Variants in COL4A1 observed in about 807,000 individuals in gnomAD.
The protein encoded by COL4A1 is collagen type IV alpha 1 chain.
A neutral mutation model predicts 216.6 loss-of-function variants in COL4A1; 40 were observed. The observed-to-expected ratio is 0.18, with a 90% CI of 0.14 to 0.24. The LOEUF (loss-of-function observed/expected upper bound fraction) is 0.24, where lower values mean the gene tolerates loss of function less well. Among genes scored for constraint, COL4A1 ranks in the 10% least tolerant of loss-of-function variants. COL4A1 has a pLI of 1.00. For missense variants in COL4A1, 1,628 were observed against 2,196.8 expected, an observed-to-expected ratio of 0.74 and a Z score of 5.18; for synonymous variants, 839 against 810.7, an observed-to-expected ratio of 1.03 and a Z score of -0.59.
chr13:110,172,586 T>C (rs1877695566), intron 41 of COL4A1, 134 bp downstream of exon 41: 1 of 851,682 alleles, frequency 1.2e-6, no homozygotes, highest in East Asian at 2.4e-5. Flanking sequence ...CCCTCTGGGC[T>C]CAGCACCCAT....
Position 110,211,793 on chromosome 13 carries a change from A to T in COL4A1, c.441+76T>A. 1 of 1,542,136 alleles carries T rather than the reference A, an allele frequency of 6.5e-7. No homozygotes were observed. Among genetic ancestry groups the T allele is most frequent in the South Asian group, 1.2e-5 (1 of 85,526 alleles). ...TATTAAAACATAAGCAAAGAAAGAA[A>T]GAAAAGGAAATGGAATGAAAAGAGA... is the stretch of plus-strand genomic sequence containing the variant. On this transcript the variant is annotated intron_variant, in intron 7 of 51. Transcript: ENST00000375820. The surrounding 1 kb of genome is among the most constrained non-coding windows in gnomAD (Gnocchi z 4.3).
rs1555305317 is a variant in COL4A1 at position 110,198,078 on chromosome 13, G to GTGTGTGTGTGTGTGTGTGTGT, written c.1285+388_1285+389insACACACACACACACACACACA. Among the ~76,000 whole-genome samples, 84 of 141,932 alleles carry GTGTGTGTGTGTGTGTGTGTGT rather than the reference G, an allele frequency of 5.9e-4. 1 individual carries two copies. Among genetic ancestry groups the GTGTGTGTGTGTGTGTGTGTGT allele is most frequent in the African/African-American group, 1.8e-3 (65 of 36,676 alleles). The allele number at this position is 141,932 out of a possible 152,430, so 93.1% of individuals were successfully genotyped here. ...GTAATCCTGTCTTCCTTGTTTCTGGGGTGTGTGTGTGTGTGTGTGTGTGTG... is the reference window on the plus strand; with the variant it reads ...GTAATCCTGTCTTCCTTGTTTCTGGGTGTGTGTGTGTGTGTGTGTGTGTGTGTGTGTGTGTGTGTGTGTGTG... On this transcript the variant is annotated intron_variant, in intron 21 of 51. Transcript: ENST00000375820.
chr13:110,252,719 A>G (rs1277015431), intron 1 of COL4A1, among the ~76,000 whole-genome samples: 1 of 140,836 alleles, frequency 7.1e-6, no homozygotes, highest in Non-Finnish European at 1.5e-5. Context: ...TGTATTATAC[A>G]TATAATTATA....
chr13:110,183,445 G>A (rs1317084877), intron 26 of COL4A1, among the ~76,000 whole-genome samples, 169 bp from the exon 27 acceptor site: 2 of 152,168 alleles, frequency 1.3e-5, no homozygotes, highest in Non-Finnish European at 2.9e-5. Context: ...GTGTTTCTAG[G>A]ATCTTTCACA....
chr13:110,236,441 C>T (rs538395469), intron 2 of COL4A1, among the ~76,000 whole-genome samples: 21 of 152,292 alleles, frequency 1.4e-4, no homozygotes, highest in African/African-American at 4.1e-4. Flanking sequence ...GAAAAACATG[C>T]GTTGATTAAT....
intron 2 of COL4A1, among the ~76,000 whole-genome samples, chr13:110,219,730 A>ATATATGTGTG (rs1566385199): frequency 3.4e-5 from 4 of 119,158 alleles, no homozygotes; most frequent in Admixed American, 1.7e-4. Flanking sequence ...ATATGTGTGT[A>ATATATGTGTG]TATATATGTA....
At chr13:110,295,635 A>G (rs4365166) in intron 1 of COL4A1, among the ~76,000 whole-genome samples, 27,825 of 152,006 alleles carry the variant, frequency 0.18, 2,991 homozygotes, top group East Asian at 0.57. Context: ...CACATTGGTC[A>G]GGCTGGTCTC....
chr13:110,170,047 G>C (rs1267220862), intron 42 of COL4A1, among the ~76,000 whole-genome samples: 1 of 143,160 alleles, frequency 7.0e-6, no homozygotes, highest in Non-Finnish European at 1.5e-5. Context: ...GAGGGAAGGA[G>C]GGAGGAAGGA....
intron 1 of COL4A1, among the ~76,000 whole-genome samples, chr13:110,288,398 T>C (rs1459988228): frequency 6.6e-6 from 1 of 152,160 alleles, no homozygotes; most frequent in African/African-American, 2.4e-5. Context: ...GAGACTCCTA[T>C]TGCCACTATA....
At chr13:110,152,717 A>G (rs1876566592) in intron 50 of COL4A1, among the ~76,000 whole-genome samples, 1 of 152,230 alleles carries the variant, frequency 6.6e-6, no homozygotes, top group Non-Finnish European at 1.5e-5. Flanking sequence ...GGTGCTCAGC[A>G]TGGCCCCAGG....
intron 1 of COL4A1, among the ~76,000 whole-genome samples, chr13:110,289,798 T>C (rs770489426): frequency 2.0e-5 from 3 of 152,164 alleles, no homozygotes; most frequent in Non-Finnish European, 4.4e-5. Context: ...ATGCTCCGGA[T>C]CCCAGGCTGC....
chr13:110,212,640 CGTGTCA>C lies in COL4A1; in HGVS notation c.280-28_280-23del, dbSNP rs1032255797. The C allele has an allele frequency of 2.5e-6, 4 of 1,613,222 alleles. No individual in the cohort carries two copies. In the African/African-American group the frequency reaches 5.3e-5, roughly 22 times the overall value. ...GTCCCTGTGAGGGCGGAAGTAAAAG[CGTGTCA>C]GTGAAGAGCCGGGAAGCCTCACTTC... On this transcript the variant is annotated intron_variant, in intron 4 of 51. Coordinates refer to ENST00000375820, the MANE Select transcript of COL4A1 (RefSeq NM_001845.6).
In COL4A1 at chr13:110,248,658, A is replaced by G. The variant is rs1052859990; in HGVS notation, c.85-5924T>C. Among the ~76,000 whole-genome samples, 10 of 151,934 alleles carry G rather than the reference A, an allele frequency of 6.6e-5. 1 individual carries two copies. The highest frequency in any genetic ancestry group is 2.9e-5 in the Non-Finnish European group (2 of 67,992). The stretch of plus-strand genomic sequence containing the variant: ...AGGCACGGGCCACCACGCCAGGATA[A>G]TTTTTTTGTATTTTTAGTAGAGATG... On this transcript the variant is annotated intron_variant, in intron 1 of 51. Coordinates refer to ENST00000375820, the MANE Select transcript of COL4A1 (RefSeq NM_001845.6).
intron 49 of COL4A1, among the ~76,000 whole-genome samples, chr13:110,158,901 C>A (rs1876931375): frequency 6.6e-6 from 1 of 152,112 alleles, no homozygotes; most frequent in African/African-American, 2.4e-5. Flanking sequence ...TAACACCACA[C>A]CCAGCTAATT....
chr13:110,284,549 A>AT (rs1883763733), intron 1 of COL4A1, among the ~76,000 whole-genome samples: 1 of 152,208 alleles, frequency 6.6e-6, no homozygotes, highest in Admixed American at 6.5e-5. Context: ...GAAAGCCATC[A>AT]TTTTTCACCG....
intron 10 of COL4A1, chr13:110,209,703 T>C: frequency 1.5e-6 from 1 of 682,518 alleles, no homozygotes; most frequent in Non-Finnish European, 2.6e-6. Flanking sequence ...AGGCTGTGAC[T>C]ATCAGCAGTA....
intron 1 of COL4A1, among the ~76,000 whole-genome samples, chr13:110,297,864 C>G (rs1016092620): frequency 5.3e-5 from 8 of 151,800 alleles, no homozygotes; most frequent in Non-Finnish European, 1.2e-4. Flanking sequence ...AGCTATCAAA[C>G]TATTACTTCC....
At chr13:110,246,724 C>G (rs940563262) in intron 1 of COL4A1, among the ~76,000 whole-genome samples, 1 of 152,200 alleles carries the variant, frequency 6.6e-6, no homozygotes, top group African/African-American at 2.4e-5. Context: ...GATAAGCTCC[C>G]ATACCATCTG....
At chr13:110,233,484 CG>C (rs1466076047) in intron 2 of COL4A1, among the ~76,000 whole-genome samples, 2 of 152,074 alleles carry the variant, frequency 1.3e-5, no homozygotes, top group East Asian at 3.9e-4. Flanking sequence ...ATGGCAAAAA[CG>C]AAGTGATATC....
Sources: allele counts gnomAD v4.1 joint callset (sites outside exome capture counted in the v4.1 genomes callset), GRCh38; gene constraint gnomAD v4.1.1; non-coding constraint Gnocchi (gnomAD v3.1); transcripts MANE v1.5; gene names NCBI Gene and HGNC (gene_info 2026-07-23, HGNC 2026-07-21).